FHOD3: variants seen among roughly 807,000 people sequenced by gnomAD.
FHOD3 encodes the protein FH1/FH2 domain-containing protein 3.
Under a neutral mutation model 173.0 loss-of-function variants are expected in FHOD3, and 90 were observed. That is an observed-to-expected ratio of 0.52 (90% CI 0.44 to 0.62). FHOD3 has a LOEUF of 0.62. Among genes scored for constraint, FHOD3 ranks in the 20% least tolerant of loss-of-function variants. FHOD3 has a pLI of 0.00. For missense variants in FHOD3, 1,945 were observed against 2,034.7 expected (o/e 0.96, Z 0.85); for synonymous variants, 828 against 823.0 (o/e 1.01, Z -0.10).
At position 36,501,955 on chromosome 18, in the gene FHOD3, C is replaced by T. The variant is rs1199009842; in HGVS notation, c.361C>T (p.Arg121Ter). ...AGAAAAACTATACAACTCCAGCGGA[C>T]GAGATTTGAGAAGGGCCCTCTTCTC... ...CIEKLYNSSG[R>*]DLRRALFSLK... Residue 121 changes from arginine (R) to a stop codon, truncating the protein, a stop_gained, in exon 4 of 29, where the codon CGA becomes TGA. Transcript: ENST00000590592. LOFTEE classifies it high-confidence loss of function. 3.7e-6 allele frequency: 6 copies of T among 1,605,304 alleles called. No individual in the cohort carries two copies. The highest frequency in any genetic ancestry group is 2.2e-5 in the East Asian group (1 of 44,646).
chr18:36,774,938 C>T (rs1040050969), intron 28 of FHOD3, among the ~76,000 whole-genome samples: 1 of 152,172 alleles, frequency 6.6e-6, no homozygotes, highest in African/African-American at 2.4e-5. Context: ...TTTTGTAGAA[C>T]ATCCTTCCAT....
At chr18:36,632,667 T>C (rs1224880398) in intron 10 of FHOD3, among the ~76,000 whole-genome samples, 1 of 152,180 alleles carries the variant, frequency 6.6e-6, no homozygotes, top group Non-Finnish European at 1.5e-5. Context: ...TCTTTTTAAC[T>C]GCAGCCTCTG....
intron 5 of FHOD3, among the ~76,000 whole-genome samples, chr18:36,514,608 A>G (rs547558554): frequency 6.6e-6 from 1 of 152,248 alleles, no homozygotes; most frequent in African/African-American, 2.4e-5. Flanking sequence ...TAAAGTGTAC[A>G]TCATTTTAAC....
intron 3 of FHOD3, among the ~76,000 whole-genome samples, chr18:36,458,788 CCTTTT>C (rs910313407): frequency 2.0e-5 from 3 of 151,656 alleles, no homozygotes; most frequent in African/African-American, 7.3e-5. Context: ...TTCCCACCTC[CCTTTT>C]CTTTTAATTT....
At chr18:36,406,738 C>G (rs2049093876) in intron 3 of FHOD3, among the ~76,000 whole-genome samples, 1 of 152,110 alleles carries the variant, frequency 6.6e-6, no homozygotes, top group Non-Finnish European at 1.5e-5. Flanking sequence ...CAGCTTGAGT[C>G]AGAACAGTCT....
intron 1 of FHOD3, among the ~76,000 whole-genome samples, chr18:36,345,987 C>G (rs1039914859): frequency 6.6e-6 from 1 of 152,168 alleles, no homozygotes; most frequent in Non-Finnish European, 1.5e-5. Flanking sequence ...TGTGGGATTT[C>G]AACCATCATA....
intron 5 of FHOD3, among the ~76,000 whole-genome samples, chr18:36,514,767 C>G (rs775114150): frequency 6.6e-6 from 1 of 152,188 alleles, no homozygotes; most frequent in Non-Finnish European, 1.5e-5. Flanking sequence ...TAGTTTACCT[C>G]CAAGCCCAGG....
At position 36,720,760 on chromosome 18, in the gene FHOD3, C is replaced by T. The variant is rs373656480; in HGVS notation, c.3417+2045C>T. Among the ~76,000 whole-genome samples the T allele has an allele frequency of 5.3e-5, 8 of 151,276 alleles. No individual in the cohort carries two copies. The East Asian group carries it at 1.6e-3, about 29-fold the overall frequency. ...TCTCCTCCTCCTTCTTCTCCTCCTG[C>T]TCCTTCTCCTCCTCCTCCTCTTCCT... On this transcript the variant is annotated intron_variant, in intron 19 of 28. Coordinates refer to ENST00000590592, the MANE Select transcript of FHOD3 (RefSeq NM_001281740.3).
At chr18:36,463,203 T>G (rs1204657406) in intron 3 of FHOD3, among the ~76,000 whole-genome samples, 1 of 151,654 alleles carries the variant, frequency 6.6e-6, no homozygotes, top group Non-Finnish European at 1.5e-5. Context: ...GGTGGTTGTC[T>G]TCCATTTCCA....
chr18:36,725,736 G>T (rs969288433), intron 19 of FHOD3, among the ~76,000 whole-genome samples: 1 of 152,172 alleles, frequency 6.6e-6, no homozygotes, highest in African/African-American at 2.4e-5. Context: ...ATGTTCACTC[G>T]CCATATCGGT....
At chr18:36,694,467 T>C (rs991659656) in intron 17 of FHOD3, among the ~76,000 whole-genome samples, 10 of 152,194 alleles carry the variant, frequency 6.6e-5, no homozygotes, top group African/African-American at 2.4e-4. Flanking sequence ...CATGGAAGAT[T>C]GTCCCAGGCA....
chr18:36,423,278 A>G (rs909843575), intron 3 of FHOD3, among the ~76,000 whole-genome samples: 4 of 152,232 alleles, frequency 2.6e-5, no homozygotes, highest in African/African-American at 9.7e-5. Context: ...TTACAATTTT[A>G]GGATCTCATT....
chr18:36,649,724 C>T (rs2035925403), intron 11 of FHOD3, among the ~76,000 whole-genome samples: 1 of 152,196 alleles, frequency 6.6e-6, no homozygotes, highest in Admixed American at 6.5e-5. Context: ...TAAAAAGGCT[C>T]ATCTCCCCTA....
At chr18:36,417,915 C>T (rs1010427758) in intron 3 of FHOD3, among the ~76,000 whole-genome samples, 2 of 152,136 alleles carry the variant, frequency 1.3e-5, no homozygotes, top group Non-Finnish European at 2.9e-5. Context: ...TATTAACTGT[C>T]CTGGAAAATT....
chr18:36,689,927 C>T (rs2038856920), intron 16 of FHOD3, among the ~76,000 whole-genome samples: 1 of 152,100 alleles, frequency 6.6e-6, no homozygotes, highest in Admixed American at 6.5e-5. Flanking sequence ...TAAAGGGAGC[C>T]AGAGTTTACT....
chr18:36,374,600 G>GA, intron 3 of FHOD3, among the ~76,000 whole-genome samples: 1 of 152,190 alleles, frequency 6.6e-6, no homozygotes, highest in East Asian at 1.9e-4. Flanking sequence ...AGGCGAGGGG[G>GA]AATATTATAA....
chr18:36,438,987 C>G (rs1568272765), intron 3 of FHOD3, among the ~76,000 whole-genome samples: 1 of 152,170 alleles, frequency 6.6e-6, no homozygotes, highest in African/African-American at 2.4e-5. Flanking sequence ...GTTGCAGACA[C>G]AAGCCATTTA....
chr18:36,467,231 A>G (rs949241), intron 3 of FHOD3, among the ~76,000 whole-genome samples: 121,987 of 152,122 alleles, frequency 0.8, 49,580 homozygotes, highest in East Asian at 0.95. Context: ...CTTGGTTTTC[A>G]TTTGTTCTCT....
intron 3 of FHOD3, among the ~76,000 whole-genome samples, chr18:36,391,696 C>G (rs2048306676): frequency 6.6e-6 from 1 of 152,116 alleles, no homozygotes; most frequent in African/African-American, 2.4e-5. Flanking sequence ...CCTCAGGTGA[C>G]TCTTGTAAAG....
Sources: allele counts gnomAD v4.1 joint callset (sites outside exome capture counted in the v4.1 genomes callset), GRCh38; gene constraint gnomAD v4.1.1; transcripts MANE v1.5; gene names NCBI Gene and HGNC (gene_info 2026-07-23, HGNC 2026-07-21).